Variants in IQCK observed in about 807,000 individuals in gnomAD.
IQCK encodes IQ domain-containing protein K.
A neutral mutation model predicts 28.1 loss-of-function variants in IQCK; 29 were observed. The ratio of observed to expected loss-of-function variants is 1.03; its 90% CI spans 0.77 to 1.41. The LOEUF (loss-of-function observed/expected upper bound fraction) is 1.41. Ranked by LOEUF, IQCK falls within the 40% of genes most tolerant of loss-of-function variation. IQCK has a pLI of 0.00. For synonymous variants in IQCK, 113 were observed against 115.1 expected (o/e 0.98, Z 0.12); for missense variants, 359 against 314.7 (o/e 1.14, Z -1.07).
intron 1 of IQCK, among the ~76,000 whole-genome samples, chr16:19,727,407 T>C (rs1437388658): frequency 6.6e-6 from 1 of 152,082 alleles, no homozygotes; most frequent in Non-Finnish European, 1.5e-5. Flanking sequence ...GGCAACACGG[T>C]GAAACCCCAT....
At chr16:19,732,679 T>A (rs1048169048) in intron 2 of IQCK, among the ~76,000 whole-genome samples, 2 of 152,088 alleles carry the variant, frequency 1.3e-5, no homozygotes, top group African/African-American at 4.8e-5. Flanking sequence ...CCCAGGCTGG[T>A]CTCAAACTCC....
rs761986049 is a variant in IQCK at position 19,733,678 on chromosome 16, C to T, written c.247-20C>T. Reference sequence around the variant, plus strand: ...TAAGCTGTTTAAATGAATTGCCTCCCCTCCCCTGTCTGCCTCCAGGTTGCG... The same window carrying T: ...TAAGCTGTTTAAATGAATTGCCTCCTCTCCCCTGTCTGCCTCCAGGTTGCG... On this transcript the variant is annotated intron_variant, in intron 2 of 7. Coordinates refer to ENST00000564186, the Ensembl canonical transcript of IQCK. 7 of 1,612,956 alleles carry T rather than the reference C, an allele frequency of 4.3e-6. No individual in the cohort carries two copies. Among genetic ancestry groups the T allele is most frequent in the Admixed American group, 1.7e-5 (1 of 59,746 alleles).
At chr16:19,746,311 C>G (rs890031599) in intron 4 of IQCK, among the ~76,000 whole-genome samples, 3 of 150,866 alleles carry the variant, frequency 2.0e-5, no homozygotes, top group African/African-American at 5.0e-5. Flanking sequence ...TTTCCATCCC[C>G]TAAGTAACTG....
At chr16:19,786,261 A>C (rs1355252377) in intron 6 of IQCK, among the ~76,000 whole-genome samples, 2 of 152,182 alleles carry the variant, frequency 1.3e-5, no homozygotes, top group Non-Finnish European at 2.9e-5. Context: ...AATGTGGAAA[A>C]CAGGGAGCCC....
intron 7 of IQCK, among the ~76,000 whole-genome samples, chr16:19,811,592 C>G (rs1006175475): frequency 2.0e-5 from 3 of 152,230 alleles, no homozygotes; most frequent in East Asian, 3.9e-4. Context: ...AAAGACGACC[C>G]CACCAAAAAG....
chr16:19,785,161 G>A (rs2055545857), intron 6 of IQCK, among the ~76,000 whole-genome samples: 1 of 152,210 alleles, frequency 6.6e-6, no homozygotes, highest in African/African-American at 2.4e-5. Flanking sequence ...AGGTGCATTT[G>A]AGCAAATTAG....
intron 1 of IQCK, among the ~76,000 whole-genome samples, chr16:19,720,638 T>C (rs1977463732): frequency 6.6e-6 from 1 of 152,206 alleles, no homozygotes; most frequent in Non-Finnish European, 1.5e-5. Context: ...TTTGGTCAAA[T>C]AGGCCTCTAG....
intron 9 of IQCK, among the ~76,000 whole-genome samples, chr16:19,856,280 G>A (rs1281036764): frequency 6.6e-6 from 1 of 152,222 alleles, no homozygotes; most frequent in East Asian, 1.9e-4. Flanking sequence ...TCCGGGAAGT[G>A]GTTTTGAACT....
chr16:19,736,985 A>C (rs1462858786), intron 4 of IQCK, among the ~76,000 whole-genome samples: 3 of 115,126 alleles, frequency 2.6e-5, no homozygotes, highest in African/African-American at 1.8e-4. Flanking sequence ...CGGTATTTAC[A>C]AAAAAAAAAA....
intron 7 of IQCK, among the ~76,000 whole-genome samples, chr16:19,822,466 A>G (rs534196690): frequency 2.0e-5 from 3 of 152,128 alleles, no homozygotes; most frequent in Non-Finnish European, 4.4e-5. Flanking sequence ...TACCTATACG[A>G]TAGATATTAT....
chr16:19,844,275 T>C (rs905089043), intron 9 of IQCK, among the ~76,000 whole-genome samples: 1 of 152,126 alleles, frequency 6.6e-6, no homozygotes, highest in Non-Finnish European at 1.5e-5. Flanking sequence ...TGACAGGGTT[T>C]CACTATGTTG....
exon 10 of IQCK, chr16:19,857,575 C>T: frequency 2.8e-6 from 1 of 361,472 alleles, no homozygotes; most frequent in Non-Finnish European, 5.2e-6. Flanking sequence ...ATAAAAAGCA[C>T]CTGCTGAGAA....
intron 7 of IQCK, among the ~76,000 whole-genome samples, chr16:19,809,951 A>G (rs937984063): frequency 6.6e-6 from 1 of 152,174 alleles, no homozygotes; most frequent in African/African-American, 2.4e-5. Context: ...GTGGTGCTCA[A>G]CCTTGACTGT....
intron 9 of IQCK, among the ~76,000 whole-genome samples, chr16:19,838,784 C>T (rs1453786666): frequency 6.6e-6 from 1 of 151,884 alleles, no homozygotes; most frequent in African/African-American, 2.4e-5. Flanking sequence ...TTTGGGAGGC[C>T]GAGGTGGGCA....
intron 7 of IQCK, among the ~76,000 whole-genome samples, chr16:19,824,428 A>G (rs185092501): frequency 1.3e-5 from 2 of 152,066 alleles, no homozygotes; most frequent in Admixed American, 1.3e-4. Flanking sequence ...TTCCCTGCTC[A>G]CTCGCCACTC....
intron 4 of IQCK, among the ~76,000 whole-genome samples, chr16:19,743,403 G>A (rs1019456032): frequency 6.6e-6 from 1 of 152,202 alleles, no homozygotes; most frequent in African/African-American, 2.4e-5. Context: ...TGGGCAAGGA[G>A]CAAATCCCCT....
chr16:19,770,385 T>G (rs2055304127), intron 6 of IQCK, among the ~76,000 whole-genome samples: 1 of 152,200 alleles, frequency 6.6e-6, no homozygotes, highest in Non-Finnish European at 1.5e-5. Context: ...AACACAAATT[T>G]ATTACTATAC....
intron 1 of IQCK, 113 bp downstream of exon 1, chr16:19,718,600 C>A: frequency 1.0e-6 from 1 of 967,938 alleles, no homozygotes; most frequent in Non-Finnish European, 1.4e-6. Context: ...CGCCGGGCAG[C>A]GGCTCCGCGG....
At chr16:19,733,474 C>T (rs1050146330) in intron 2 of IQCK, among the ~76,000 whole-genome samples, 1 of 152,082 alleles carries the variant, frequency 6.6e-6, no homozygotes, top group African/African-American at 2.4e-5. Context: ...GATATGTTTA[C>T]AAACGTCTCA....
Sources: allele counts gnomAD v4.1 joint callset (sites outside exome capture counted in the v4.1 genomes callset), GRCh38; gene constraint gnomAD v4.1.1; transcripts MANE v1.5; gene names NCBI Gene and HGNC (gene_info 2026-07-23, HGNC 2026-07-21).